ROS1: variants seen among roughly 807,000 people sequenced by gnomAD.
The protein encoded by ROS1 is ROS proto-oncogene 1, receptor tyrosine kinase, also known as proto-oncogene tyrosine-protein kinase ROS.
Under a neutral mutation model 273.5 loss-of-function variants are expected in ROS1, and 263 were observed. That is an observed-to-expected ratio of 0.96 (90% CI 0.87 to 1.06). The LOEUF (loss-of-function observed/expected upper bound fraction) is 1.06. ROS1 is among the 50% of genes least tolerant of loss of function. The probability of loss-of-function intolerance (pLI) is 0.00; values close to 1 mark genes in which losing one functional copy is unlikely to be tolerated. For synonymous variants in ROS1, 1,008 were observed against 954.1 expected (o/e 1.06, Z -1.04); for missense variants, 2,833 against 2,751.1 (o/e 1.03, Z -0.67).
At chr6:117,380,803 G>T (rs1444247902) in intron 17 of ROS1, among the ~76,000 whole-genome samples, 5 of 151,934 alleles carry the variant, frequency 3.3e-5, no homozygotes, top group Admixed American at 3.3e-4. Context: ...TTAATTCTGT[G>T]GTAAAATGTA....
At chr6:117,424,972 A>G (rs1267287581) in intron 1 of ROS1, among the ~76,000 whole-genome samples, 1 of 152,202 alleles carries the variant, frequency 6.6e-6, no homozygotes, top group African/African-American at 2.4e-5. Context: ...ATAGTTAGAG[A>G]AGGGATGACA....
At chr6:117,412,860 C>T (rs999191719) in intron 4 of ROS1, among the ~76,000 whole-genome samples, 3 of 152,200 alleles carry the variant, frequency 2.0e-5, no homozygotes, top group Non-Finnish European at 1.5e-5. Context: ...AAGGCTCTCT[C>T]TCCCTGATTT....
chr6:117,321,725 A>G (rs1776304325), intron 35 of ROS1, among the ~76,000 whole-genome samples: 1 of 152,018 alleles, frequency 6.6e-6, no homozygotes, highest in Non-Finnish European at 1.5e-5. Flanking sequence ...GTCAAAATAA[A>G]CCAAAACAAA....
intron 16 of ROS1, among the ~76,000 whole-genome samples, chr6:117,384,077 T>C (rs1772372727): frequency 6.6e-6 from 1 of 152,208 alleles, no homozygotes; most frequent in African/African-American, 2.4e-5. Context: ...TTAAACACTT[T>C]AATAAGAGAT....
intron 17 of ROS1, among the ~76,000 whole-genome samples, chr6:117,382,199 G>A (rs888316432): frequency 6.6e-6 from 1 of 152,064 alleles, no homozygotes; most frequent in Non-Finnish European, 1.5e-5. Context: ...ATAGAATTAA[G>A]AGACCTTTTT....
rs62430806 is a variant in ROS1, at chr6:117,317,868, T to G, written c.5987+320A>C. 8.8e-3 allele frequency among the ~76,000 whole-genome samples: 1,338 copies of G among 152,258 alleles called. 14 individuals carry two copies. Among genetic ancestry groups the G allele is most frequent in the Non-Finnish European group, 0.01 (697 of 68,000 alleles). The stretch of plus-strand genomic sequence containing the variant: ...AGCATTTGAGAGAACTCTCTCTTAC[T>G]GGGTATACTTGACCATTATCACACA... On this transcript the variant is annotated intron_variant, in intron 38 of 43. Transcript: ENST00000368507.
At chr6:117,361,422 CAT>C (rs34059535) in intron 22 of ROS1, among the ~76,000 whole-genome samples, 20,242 of 146,684 alleles carry the variant, frequency 0.14, 1,536 homozygotes, top group South Asian at 0.22. Flanking sequence ...TATAATGGTG[CAT>C]ATATATATAT....
intron 22 of ROS1, among the ~76,000 whole-genome samples, chr6:117,361,756 A>T (rs1161106586): frequency 6.6e-6 from 1 of 151,858 alleles, no homozygotes; most frequent in Non-Finnish European, 1.5e-5. Flanking sequence ...GAAAAGAAAA[A>T]CAAATCCCTA....
intron 7 of ROS1, 51 bp from the exon 8 acceptor site, chr6:117,397,167 G>GT: frequency 3.4e-6 from 4 of 1,170,254 alleles, no homozygotes; most frequent in Non-Finnish European, 4.9e-6. Context: ...CAAGCATGAT[G>GT]TTTTTAAAAT....
At chr6:117,326,091 T>TTATATA (rs56113300) in intron 34 of ROS1, 133 bp downstream of exon 34, 2,648 of 147,866 alleles carry the variant, frequency 0.018, 40 homozygotes, top group Admixed American at 0.052. Context: ...GATAATAAGA[T>TTATATA]TATATATATA....
At chr6:117,311,911 C>A (rs970526265) in intron 39 of ROS1, among the ~76,000 whole-genome samples, 13 of 152,110 alleles carry the variant, frequency 8.5e-5, no homozygotes, top group African/African-American at 3.1e-4. Context: ...CTGGTTCAAG[C>A]TTTTGTCATC....
chr6:117,390,251 C>A (rs1772955036), intron 12 of ROS1, among the ~76,000 whole-genome samples: 1 of 152,138 alleles, frequency 6.6e-6, no homozygotes, highest in South Asian at 2.1e-4. Context: ...ACCTCAGTAT[C>A]CCATGTAGCT....
rs138573193 is a variant in ROS1, at chr6:117,342,493, A to T, written c.4558T>A (p.Tyr1520Asn). The change falls in exon 29 of 44, where the codon TAC (tyrosine) becomes AAC (asparagine). Residue 1520 changes from tyrosine (Y) to asparagine (N), a missense_variant. Coordinates refer to ENST00000368507, the MANE Select transcript of ROS1 (RefSeq NM_001378902.1). Reference protein sequence around the residue: ...LIEDLQPFSTYMIQIAVKNYY... With the variant: ...LIEDLQPFSTNMIQIAVKNYY... ...TTTTTTACAGCTATCTGTATCATGT[A>T]TGTTGAAAATGGTTGTAAATCTTCA... 1 of 1,602,988 alleles carries T rather than the reference A, an allele frequency of 6.2e-7. No individual in the cohort carries two copies. Among genetic ancestry groups the T allele is most frequent in the African/African-American group, 1.3e-5 (1 of 74,616 alleles).
intron 13 of ROS1, among the ~76,000 whole-genome samples, chr6:117,388,877 T>C (rs892247603): frequency 3.3e-5 from 5 of 152,176 alleles, no homozygotes; most frequent in African/African-American, 7.2e-5. Flanking sequence ...TTGCCCAGGG[T>C]CATTCTATTA....
At chr6:117,383,534 T>A in intron 16 of ROS1, 26 bp from the exon 17 acceptor site, 1 of 1,528,220 alleles carries the variant, frequency 6.5e-7, no homozygotes, top group South Asian at 1.1e-5. Flanking sequence ...GTATGGCCAG[T>A]TAATGGCTTT....
At chr6:117,343,103 C>G (rs889559175) in intron 28 of ROS1, among the ~76,000 whole-genome samples, 3 of 150,578 alleles carry the variant, frequency 2.0e-5, no homozygotes, top group African/African-American at 7.3e-5. Context: ...TTTTTTAAAG[C>G]TTCGATGTGC....
intron 12 of ROS1, among the ~76,000 whole-genome samples, chr6:117,391,205 T>C (rs774085000): frequency 2.6e-5 from 4 of 152,228 alleles, no homozygotes; most frequent in Non-Finnish European, 5.9e-5. Context: ...GCTATGTTCT[T>C]TTCCCTGAGG....
intron 7 of ROS1, among the ~76,000 whole-genome samples, chr6:117,397,947 A>C (rs75680757): frequency 1.9e-3 from 289 of 152,230 alleles, no homozygotes; most frequent in African/African-American, 6.8e-3. Flanking sequence ...CTCCCTCTGA[A>C]CACTTTTGGC....
Position 117,394,677 on chromosome 6 carries a change from T to C in ROS1, c.945A>G (p.Leu315=). The change falls in exon 10 of 44, where the codon TTA becomes TTG. Residue 315 remains leucine, a synonymous_variant. Coordinates refer to ENST00000368507, the MANE Select transcript of ROS1 (RefSeq NM_001378902.1). ...AATGTGCTTCATCTACTAAATGTTT[T>C]AAAGATCTCTTTCTTAGAGAAGTTT... ...SRKTSLRKRS[L]KHLVDEAHCL... The C allele has an allele frequency of 6.2e-7, 1 of 1,612,252 alleles. No homozygotes were observed. The highest frequency in any genetic ancestry group is 8.5e-7 in the Non-Finnish European group (1 of 1,178,756).
Sources: allele counts gnomAD v4.1 joint callset (sites outside exome capture counted in the v4.1 genomes callset), GRCh38; gene constraint gnomAD v4.1.1; transcripts MANE v1.5; gene names NCBI Gene and HGNC (gene_info 2026-07-23, HGNC 2026-07-21).